Variants in LRTM1 observed in about 807,000 individuals in gnomAD.
LRTM1 encodes the protein leucine rich repeat transmembrane protein 1.
LRTM1 carries 38 observed loss-of-function variants against 32.4 expected under a neutral mutation model. The observed-to-expected ratio is 1.17, with a 90% CI of 0.91 to 1.54. The LOEUF (loss-of-function observed/expected upper bound fraction) is 1.54. LRTM1 is among the 40% of genes most tolerant of loss of function. The probability of loss-of-function intolerance (pLI) is 0.00; values close to 1 mark genes in which losing one functional copy is unlikely to be tolerated. For missense variants in LRTM1, 466 were observed against 415.4 expected, an observed-to-expected ratio of 1.12 and a Z score of -1.06; for synonymous variants, 186 against 169.9, an observed-to-expected ratio of 1.09 and a Z score of -0.74.
upstream of LRTM1, among the ~76,000 whole-genome samples, chr3:54,932,732 T>A (rs1172076897): frequency 6.6e-6 from 1 of 152,170 alleles, no homozygotes; most frequent in East Asian, 1.9e-4. Context: ...AGGTCTGCCT[T>A]GGTAAAGTCA....
chr3:54,924,305 A>G (rs575495173), intron 2 of LRTM1, among the ~76,000 whole-genome samples: 2 of 152,358 alleles, frequency 1.3e-5, no homozygotes, highest in African/African-American at 4.8e-5. Flanking sequence ...GGGGTTGAGC[A>G]GTTATTCAGG....
intron 2 of LRTM1, among the ~76,000 whole-genome samples, chr3:54,921,269 ACCACGTTGT>A (rs1164517012): frequency 6.6e-6 from 1 of 152,110 alleles, no homozygotes; most frequent in Non-Finnish European, 1.5e-5. Flanking sequence ...AACTCCCTTG[ACCACGTTGT>A]GCCTCTGCTT....
chr3:54,921,617 A>C (rs972670350), intron 2 of LRTM1, among the ~76,000 whole-genome samples: 1 of 152,142 alleles, frequency 6.6e-6, no homozygotes, highest in Non-Finnish European at 1.5e-5. Context: ...AATTCAATTA[A>C]TTGAATTAAT....
At chr3:54,939,780 G>A (rs1178084642) in intron 1 of LRTM1, among the ~76,000 whole-genome samples, 1 of 152,224 alleles carries the variant, frequency 6.6e-6, no homozygotes, top group Non-Finnish European at 1.5e-5. Context: ...GACCAGTAGC[G>A]GGAGAAGCAT....
At chr3:54,926,505 T>TACACACACACACAC (rs36205023) in intron 1 of LRTM1, among the ~76,000 whole-genome samples, 1 of 143,312 alleles carries the variant, frequency 7.0e-6, no homozygotes, top group Non-Finnish European at 1.5e-5. Context: ...GCCTGTCAAA[T>TACACACACACACAC]ACACACACAC....
chr3:54,964,756 C>A (rs552481866), intron 1 of LRTM1, among the ~76,000 whole-genome samples: 1 of 152,108 alleles, frequency 6.6e-6, no homozygotes, highest in South Asian at 2.1e-4. Context: ...TAGAGTTGGC[C>A]ATAGGATTCC....
At chr3:54,925,830 T>C (rs1700998419) in intron 1 of LRTM1, among the ~76,000 whole-genome samples, 2 of 152,228 alleles carry the variant, frequency 1.3e-5, no homozygotes, top group South Asian at 2.1e-4. Flanking sequence ...GGTTACTGTA[T>C]TGGATAGGGC....
At chr3:54,923,007 C>T (rs1279604246) in intron 2 of LRTM1, among the ~76,000 whole-genome samples, 2 of 152,180 alleles carry the variant, frequency 1.3e-5, no homozygotes, top group African/African-American at 4.8e-5. Context: ...CATGTCTCAC[C>T]ACCCTGGTTT....
At chr3:54,941,127 T>C (rs1701455852) in intron 1 of LRTM1, among the ~76,000 whole-genome samples, 1 of 152,174 alleles carries the variant, frequency 6.6e-6, no homozygotes, top group African/African-American at 2.4e-5. Context: ...CTCCTGGTAA[T>C]GCAATTAGGA....
At position 54,918,583 on chromosome 3, in the gene LRTM1, G is replaced by T; in HGVS notation, c.914C>A (p.Ala305Glu). The T allele has an allele frequency of 6.2e-7, 1 of 1,614,118 alleles. No homozygotes were observed. The highest frequency in any genetic ancestry group is 8.5e-7 in the Non-Finnish European group (1 of 1,180,010). ...ATAGGTGCAGCCATAGATGGCAGCT[G>T]CCAACATCATGAGACACACAATCCC... Reference protein sequence around the residue: ...VCGIVCLMMLAAAIYGCTYAA... With the variant: ...VCGIVCLMMLEAAIYGCTYAA... Residue 305 changes from alanine to glutamate, a missense_variant, in exon 3 of 3, where the codon GCA becomes GAA. By Grantham distance (107) the Ala-to-Glu change is moderately radical. Coordinates refer to ENST00000273286, the MANE Select transcript of LRTM1 (RefSeq NM_020678.4).
chr3:54,936,163 C>CAA (rs539489771), intron 1 of LRTM1, among the ~76,000 whole-genome samples: 93 of 127,986 alleles, frequency 7.3e-4, no homozygotes, highest in African/African-American at 2.3e-3. Context: ...AGAATCATAG[C>CAA]AAAAAAAAAA....
chr3:54,967,086 C>G (rs1336216496), exon 1 of LRTM1: 2 of 152,184 alleles, frequency 1.3e-5, no homozygotes, highest in Non-Finnish European at 2.9e-5. Flanking sequence ...ATTTCAGAGG[C>G]TTTTCACGTT....
chr3:54,919,812 G>T (rs750813023), intron 2 of LRTM1, among the ~76,000 whole-genome samples: 1 of 152,196 alleles, frequency 6.6e-6, no homozygotes. Flanking sequence ...ACTCTTGTAG[G>T]TAACTCTTGT....
At chr3:54,966,679 TGTG>T (rs1702158879) in intron 1 of LRTM1, among the ~76,000 whole-genome samples, 2 of 151,976 alleles carry the variant, frequency 1.3e-5, no homozygotes, top group African/African-American at 4.8e-5. Context: ...ATTAGCCAGG[TGTG>T]GTGGTGCACA....
chr3:54,954,521 C>T lies in LRTM1; in HGVS notation c.-222+12407G>A, dbSNP rs573056968. Reference sequence around the variant, plus strand: ...GACATCAGGGTGCATATCTTTCTGTCGGGGTCTACCAGCCCTTCGGCTTCC... The same window carrying T: ...GACATCAGGGTGCATATCTTTCTGTTGGGGTCTACCAGCCCTTCGGCTTCC... On this transcript the variant is annotated intron_variant, in intron 1 of 2. Transcript: ENST00000493075. 3.3e-5 allele frequency among the ~76,000 whole-genome samples: 5 copies of T among 152,358 alleles called. 1 individual carries two copies. The highest frequency in any genetic ancestry group is 7.2e-5 in the African/African-American group (3 of 41,594).
intron 1 of LRTM1, among the ~76,000 whole-genome samples, chr3:54,941,102 A>G (rs1269876723): frequency 6.6e-6 from 1 of 152,200 alleles, no homozygotes; most frequent in East Asian, 1.9e-4. Context: ...GGTACGAGTA[A>G]TGCCGTGAAT....
chr3:54,923,422 C>T (rs1394207884), intron 2 of LRTM1, among the ~76,000 whole-genome samples: 2 of 152,156 alleles, frequency 1.3e-5, no homozygotes, highest in Admixed American at 1.3e-4. Flanking sequence ...TTGGGTTCTG[C>T]TCAGCCATGT....
intron 2 of LRTM1, among the ~76,000 whole-genome samples, chr3:54,921,743 T>A (rs4955908): frequency 6.6e-6 from 1 of 151,820 alleles, no homozygotes; most frequent in Admixed American, 6.6e-5. Flanking sequence ...GCTCGAGGGG[T>A]CTTATGTCCC....
intron 1 of LRTM1, among the ~76,000 whole-genome samples, chr3:54,960,928 T>A (rs192446100): frequency 1.3e-5 from 2 of 152,220 alleles, no homozygotes; most frequent in African/African-American, 4.8e-5. Context: ...TCACATTTGA[T>A]GTAAAGAAGG....
Sources: gnomAD v4.1 joint callset for allele counts (sites outside exome capture counted in the v4.1 genomes callset) on GRCh38, gnomAD v4.1.1 for gene constraint, MANE v1.5 for transcripts, NCBI Gene and HGNC (gene_info 2026-07-23, HGNC 2026-07-21) for gene names.